Variants in CYP2J2 observed in about 807,000 individuals in gnomAD.
CYP2J2 encodes the protein cytochrome P450 family 2 subfamily J member 2.
Under a neutral mutation model 48.8 loss-of-function variants are expected in CYP2J2, and 41 were observed. The ratio of observed to expected loss-of-function variants is 0.84; its 90% CI spans 0.66 to 1.09. The LOEUF (loss-of-function observed/expected upper bound fraction) is 1.09. CYP2J2 is among the 50% of genes least tolerant of loss of function. CYP2J2 has a pLI of 0.00. For synonymous variants in CYP2J2, 221 were observed against 227.1 expected (o/e 0.97, Z 0.24); for missense variants, 644 against 617.3 (o/e 1.04, Z -0.46).
At chr1:59,893,864 C>T in intron 8 of CYP2J2, 35 bp from the exon 9 acceptor site, 1 of 1,571,306 alleles carries the variant, frequency 6.4e-7, no homozygotes, top group Non-Finnish European at 8.6e-7. Context: ...GTTATCTTCT[C>T]AGGTGGCATT....
chr1:59,910,035 C>T lies in CYP2J2; in HGVS notation c.685-75G>A, dbSNP rs576148358. 341 of 1,137,066 alleles carry T rather than the reference C, an allele frequency of 3.0e-4. 2 individuals are homozygous for T. In the African/African-American group the frequency reaches 4.9e-3, roughly 16 times the overall value. The allele number at this position is 1,137,066 out of a possible 1,614,324, so 70.4% of individuals were successfully genotyped here. On this transcript the variant is annotated intron_variant, in intron 4 of 8. Transcript: ENST00000371204. ...TTCTTTTTAAGACAACAGAAACCATCTTCTCTTTCCGTCTCTTTTATTTGC... is the reference window on the plus strand; with the variant it reads ...TTCTTTTTAAGACAACAGAAACCATTTTCTCTTTCCGTCTCTTTTATTTGC...
chr1:59,934,446 A>G, the CYP2J2 span, among the ~76,000 whole-genome samples: 1 of 152,214 alleles, frequency 6.6e-6, no homozygotes, highest in Admixed American at 6.5e-5. Flanking sequence ...AATACATGCA[A>G]ATCGTGTATC....
At chr1:59,943,498 G>C in the CYP2J2 span, among the ~76,000 whole-genome samples, 1 of 152,216 alleles carries the variant, frequency 6.6e-6, no homozygotes, top group Non-Finnish European at 1.5e-5. Flanking sequence ...ATTAGCACGA[G>C]TGGTCAGAAT....
chr1:59,936,470 A>G, the CYP2J2 span, among the ~76,000 whole-genome samples: 2 of 152,080 alleles, frequency 1.3e-5, no homozygotes, highest in African/African-American at 2.4e-5. Context: ...ATTATTTTGA[A>G]CCATGCACTT....
chr1:59,904,925 G>A lies in CYP2J2; in HGVS notation c.1137C>T (p.Asn379=), dbSNP rs528475456. Residue 379 remains asparagine, a synonymous_variant, in exon 7 of 9, where the codon AAC becomes AAT. Transcript: ENST00000371204. Reference sequence around the variant, plus strand: ...TATCAACTGTCACTTCCCTGGGAACGTTCAGGGGGATGATGTTGCCCATTC... The same window carrying A: ...TATCAACTGTCACTTCCCTGGGAACATTCAGGGGGATGATGTTGCCCATTC... ...VQRMGNIIPL[N]VPREVTVDTT... 33 of 1,613,902 alleles carry A rather than the reference G, an allele frequency of 2.0e-5. No homozygotes were observed. The South Asian group carries it at 3.1e-4, about 15-fold the overall frequency.
chr1:59,962,599 G>A, the CYP2J2 span, among the ~76,000 whole-genome samples: 3 of 152,154 alleles, frequency 2.0e-5, no homozygotes, highest in Non-Finnish European at 4.4e-5. Flanking sequence ...TGTAAAAATG[G>A]AAATGTAATC....
At chr1:59,906,999 T>C (rs955532014) in intron 6 of CYP2J2, among the ~76,000 whole-genome samples, 10 of 152,138 alleles carry the variant, frequency 6.6e-5, no homozygotes, top group East Asian at 3.9e-4. Context: ...TTGTTAAGAG[T>C]TCCCACCCCC....
intron 2 of CYP2J2, 106 bp downstream of exon 2, chr1:59,915,832 G>A (rs1644459632): frequency 9.4e-7 from 1 of 1,064,740 alleles, no homozygotes; most frequent in Non-Finnish European, 1.3e-6. Context: ...TTTATTATGG[G>A]GCTGGTTTCT....
intron 7 of CYP2J2, among the ~76,000 whole-genome samples, chr1:59,903,332 T>C (rs1644336813): frequency 6.6e-6 from 1 of 152,108 alleles, no homozygotes; most frequent in Non-Finnish European, 1.5e-5. Flanking sequence ...ATGTGCAATG[T>C]GGGGAGAGGG....
At chr1:59,926,820 C>T (rs1453915753), upstream of CYP2J2, 9 of 1,401,792 alleles carry the variant, frequency 6.4e-6, no homozygotes, top group South Asian at 2.5e-5. Flanking sequence ...CCCGCCCCGC[C>T]TCGCTCCCAG....
chr1:59,912,394 T>C (rs1644426051), intron 2 of CYP2J2, 83 bp from the exon 3 acceptor site: 1 of 1,448,208 alleles, frequency 6.9e-7, no homozygotes, highest in Non-Finnish European at 9.4e-7. Flanking sequence ...GTGTATCAGA[T>C]GAAGGACAGG....
chr1:59,948,533 T>C, the CYP2J2 span, among the ~76,000 whole-genome samples: 1 of 152,220 alleles, frequency 6.6e-6, no homozygotes, highest in East Asian at 1.9e-4. Flanking sequence ...TAGAAAAATA[T>C]TAATACTCAT....
chr1:59,926,408 A>G, intron 1 of CYP2J2, 129 bp downstream of exon 1: 1 of 733,644 alleles, frequency 1.4e-6, no homozygotes, highest in South Asian at 1.7e-5. Context: ...GGGTTTTACC[A>G]GGTTACCAGC....
the CYP2J2 span, among the ~76,000 whole-genome samples, chr1:59,965,863 G>A: frequency 4.5e-4 from 68 of 152,078 alleles, no homozygotes; most frequent in Non-Finnish European, 7.8e-4. Flanking sequence ...TGTTGGTCAG[G>A]TTGGTCTCAA....
In CYP2J2 at chr1:59,926,755, C is replaced by A. The variant is rs1456714651; in HGVS notation, c.-9G>T. ...CCCATCGCCGCGAGCATGGCTCAGA[C>A]GTCCTCCTGCTCTTCTGCGGTCCAA... On this transcript the variant is annotated 5_prime_UTR_variant, in exon 1 of 9. Transcript: ENST00000371204. The A allele has an allele frequency of 6.2e-7, 1 of 1,608,270 alleles. No homozygotes were observed. Among genetic ancestry groups the A allele is most frequent in the South Asian group, 1.1e-5 (1 of 90,598 alleles).
chr1:59,900,723 G>A (rs997137903), intron 8 of CYP2J2, among the ~76,000 whole-genome samples: 2 of 152,178 alleles, frequency 1.3e-5, no homozygotes, highest in Non-Finnish European at 1.5e-5. Flanking sequence ...CCAGAGGACA[G>A]AACACAGGAA....
At chr1:59,932,208 T>C in the CYP2J2 span, among the ~76,000 whole-genome samples, 78 of 152,288 alleles carry the variant, frequency 5.1e-4, 1 homozygote, top group South Asian at 8.3e-4. Flanking sequence ...AAGGCTAATC[T>C]ATACAGGTAT....
chr1:59,922,677 T>C (rs192309536), intron 1 of CYP2J2, among the ~76,000 whole-genome samples: 3 of 152,252 alleles, frequency 2.0e-5, no homozygotes, highest in East Asian at 3.9e-4. Flanking sequence ...CCAGATAAGG[T>C]TGAAAAAAAG....
At chr1:59,932,234 A>C in the CYP2J2 span, among the ~76,000 whole-genome samples, 7 of 152,168 alleles carry the variant, frequency 4.6e-5, no homozygotes, top group Admixed American at 3.3e-4. Flanking sequence ...AGGATATTCC[A>C]TAGGAAAAAA....
Sources: gnomAD v4.1 joint callset for allele counts (sites outside exome capture counted in the v4.1 genomes callset) on GRCh38, gnomAD v4.1.1 for gene constraint, MANE v1.5 for transcripts, NCBI Gene and HGNC (gene_info 2026-07-23, HGNC 2026-07-21) for gene names.